Variants in CAMTA2 observed in about 807,000 individuals in gnomAD.
CAMTA2 encodes the protein calmodulin binding transcription activator 2.
In CAMTA2, 56 loss-of-function variants were observed where a neutral mutation model predicts 135.7. That is an observed-to-expected ratio of 0.41 (90% confidence interval 0.33 to 0.52). The LOEUF (loss-of-function observed/expected upper bound fraction) is 0.52, where lower values mean the gene tolerates loss of function less well. CAMTA2 is among the 20% of genes least tolerant of loss of function. CAMTA2 has a pLI of 0.16. For missense variants in CAMTA2, 1,358 were observed against 1,553.4 expected, an observed-to-expected ratio of 0.87 and a Z score of 2.11; for synonymous variants, 591 against 604.6, an observed-to-expected ratio of 0.98 and a Z score of 0.33.
chr17:4,979,806 A>G lies in CAMTA2; in HGVS notation c.1516T>C (p.Phe506Leu). Residue 506 changes from phenylalanine to leucine, a missense_variant, in exon 9 of 23, where the codon TTC becomes CTC. Around this residue, in one of 4 missense-constraint regions of CAMTA2, gnomAD observed 1,077 missense variants for 1,127.5 expected, o/e 0.96. Coordinates refer to ENST00000348066, the MANE Select transcript of CAMTA2 (RefSeq NM_015099.4). ...SELEPFSLSS[F>L]PDLMGELISD... ...ATGAGTTCTCCCATAAGGTCTGGGAATGATGAAAGACTGAAGGGCTCCAGT... is the reference window on the plus strand; with the variant it reads ...ATGAGTTCTCCCATAAGGTCTGGGAGTGATGAAAGACTGAAGGGCTCCAGT... The G allele has an allele frequency of 6.2e-7, 1 of 1,613,688 alleles. No homozygotes were observed. The highest frequency in any genetic ancestry group is 8.5e-7 in the Non-Finnish European group (1 of 1,179,860).
intron 10 of CAMTA2, among the ~76,000 whole-genome samples, chr17:4,978,053 T>C (rs1421167246): frequency 6.6e-5 from 10 of 152,224 alleles, no homozygotes; most frequent in African/African-American, 2.2e-4. Flanking sequence ...ATGGCTACCA[T>C]ACTGGACAGC....
intron 3 of CAMTA2, among the ~76,000 whole-genome samples, chr17:4,984,292 C>T (rs1180150022): frequency 3.3e-5 from 5 of 152,216 alleles, no homozygotes; most frequent in African/African-American, 1.2e-4. Context: ...TTCTTCCCAA[C>T]AAGGGATCAA....
At chr17:4,972,585 C>T in intron 15 of CAMTA2, 49 bp from the exon 16 acceptor site, 1 of 1,567,132 alleles carries the variant, frequency 6.4e-7, no homozygotes, top group Non-Finnish European at 8.7e-7. Context: ...ACGGCCATCC[C>T]TCGCTCAAGT....
At position 4,968,636 on chromosome 17, in the gene CAMTA2, G is replaced by C; in HGVS notation, c.*120C>G. On this transcript the variant is annotated 3_prime_UTR_variant, in exon 23 of 23. Transcript: ENST00000348066. ...GGGGAGGAGGGAGGAGGCCTACAGA[G>C]GGCTCCAACAAAGGTGAACAGGAAA... The C allele has an allele frequency of 9.2e-7, 1 of 1,092,492 alleles. No homozygotes were observed. The highest frequency in any genetic ancestry group is 1.4e-6 in the Non-Finnish European group (1 of 732,972). The allele number at this position is 1,092,492 out of a possible 1,614,324, so 67.7% of individuals were successfully genotyped here. A position where few individuals can be genotyped will look rare whatever the true frequency, so the allele number is the denominator to read the frequency against.
In CAMTA2 at chr17:4,985,990, G is replaced by C. The variant is rs1314934635; in HGVS notation, c.32-7C>G. 1 of 1,594,412 alleles carries C rather than the reference G, an allele frequency of 6.3e-7. No homozygotes were observed. Among genetic ancestry groups the C allele is most frequent in the Non-Finnish European group, 8.6e-7 (1 of 1,162,004 alleles). ...TTCAGGTGGTGGCTGTTTTCTAAAG[G>C]GAATTAGAAGGGAGGGTTTAGTGTG... On this transcript the variant is annotated splice_region_variant and splice_polypyrimidine_tract_variant and intron_variant, in intron 2 of 22. Coordinates refer to ENST00000348066, the MANE Select transcript of CAMTA2 (RefSeq NM_015099.4).
rs202043119 is a variant in CAMTA2 at position 4,980,611 on chromosome 17, G to C, written c.711C>G (p.Ser237Arg). ...TCGTGCTGCTGCATTTGTGGGTAAG[G>C]CTCCCAGAACCTGGAGTGGAGAGGA... ...CLCSGGLGSG[S>R]LTHKCSSTKH... is the part of the protein sequence containing the mutation. The change falls in exon 9 of 23, where the codon AGC (serine) becomes AGG (arginine). Residue 237 changes from serine (S) to arginine (R), a missense_variant. This residue lies in a region of CAMTA2 where 1,077 missense variants were observed against 1,127.5 expected (regional missense o/e 0.96). Transcript: ENST00000348066. This position sits in a 1 kb window ranked among gnomAD's most constrained non-coding sequence, Gnocchi z 5.3. The C allele has an allele frequency of 5.6e-6, 9 of 1,613,830 alleles. No individual in the cohort carries two copies. The highest frequency in any genetic ancestry group is 4.5e-5 in the East Asian group (2 of 44,882).
Position 4,982,912 on chromosome 17 carries a change from C to T in CAMTA2, c.204-20G>A, listed in dbSNP as rs757280376. 9 of 1,614,124 alleles carry T rather than the reference C, an allele frequency of 5.6e-6. No individual in the cohort carries two copies. The Admixed American group carries it at 1.3e-4, about 24-fold the overall frequency. On this transcript the variant is annotated intron_variant, in intron 4 of 22. Transcript: ENST00000348066. Reference sequence around the variant, plus strand: ...TGAGGCCTGGGAAGGGAAGGGTTGCCCTGGAGTTCTGTGAACAGAACCCAG... The same window carrying T: ...TGAGGCCTGGGAAGGGAAGGGTTGCTCTGGAGTTCTGTGAACAGAACCCAG...
intron 3 of CAMTA2, chr17:4,983,337 C>T: frequency 3.2e-6 from 1 of 314,142 alleles, no homozygotes; most frequent in Non-Finnish European, 6.1e-6. Context: ...GGCTGGAGTG[C>T]AATGGCGCGA....
In CAMTA2 at chr17:4,969,450, G is replaced by A. The variant is rs1424804930; in HGVS notation, c.3282+50C>T. 5 of 1,611,906 alleles carry A rather than the reference G, an allele frequency of 3.1e-6. No homozygotes were observed. The African/African-American group carries it at 5.3e-5, about 17-fold the overall frequency. Reference sequence around the variant, plus strand: ...GACTCTCTGTAACCCACACACTCAAGGAAAGACTGAATCATCACAGACCTC... The same window carrying A: ...GACTCTCTGTAACCCACACACTCAAAGAAAGACTGAATCATCACAGACCTC... On this transcript the variant is annotated intron_variant, in intron 20 of 22. Coordinates refer to ENST00000348066, the MANE Select transcript of CAMTA2 (RefSeq NM_015099.4). This position sits in a 1 kb window ranked among gnomAD's most constrained non-coding sequence, Gnocchi z 5.6.
chr17:4,980,744 G>T lies in CAMTA2; in HGVS notation c.701-123C>A. On this transcript the variant is annotated intron_variant, in intron 8 of 22. Coordinates refer to ENST00000348066, the MANE Select transcript of CAMTA2 (RefSeq NM_015099.4). The surrounding 1 kb of genome is among the most constrained non-coding windows in gnomAD (Gnocchi z 5.3). ...ATAAACCAGAGGTGTAATACTGATT[G>T]TAGCCACTGGGAGGCATCAGAAATG... is the stretch of plus-strand genomic sequence containing the variant. 10 of 726,234 alleles carry T rather than the reference G, an allele frequency of 1.4e-5. No individual in the cohort carries two copies. Among genetic ancestry groups the T allele is most frequent in the Non-Finnish European group, 7.2e-6 (3 of 418,638 alleles). The allele number at this position is 726,234 out of a possible 1,614,324, so 45.0% of individuals were successfully genotyped here.
intron 16 of CAMTA2, 43 bp from the exon 17 acceptor site, chr17:4,970,579 C>G: frequency 2.0e-6 from 3 of 1,535,592 alleles, no homozygotes; most frequent in Non-Finnish European, 2.7e-6. Flanking sequence ...GGGGCCCCAG[C>G]TGCCAGCTGT....
chr17:4,973,044 C>T (rs562644529), intron 14 of CAMTA2, 53 bp from the exon 15 acceptor site: 1 of 1,542,116 alleles, frequency 6.5e-7, no homozygotes, highest in Non-Finnish European at 8.9e-7. Flanking sequence ...AGGCCAGGGG[C>T]TCTTCCTCCA....
intron 3 of CAMTA2, 150 bp from the exon 4 acceptor site, chr17:4,983,193 G>A: frequency 1.5e-6 from 1 of 666,724 alleles, no homozygotes; most frequent in East Asian, 2.7e-5. Flanking sequence ...AAGACCCACT[G>A]CCCTCCTAAG....
intron 11 of CAMTA2, among the ~76,000 whole-genome samples, chr17:4,976,657 C>T (rs1246009401): frequency 1.3e-5 from 2 of 152,088 alleles, no homozygotes; most frequent in East Asian, 1.9e-4. Context: ...CCTGAGATCG[C>T]GCCACTGCAG....
In CAMTA2 at chr17:4,977,205, G is replaced by C; in HGVS notation, c.1766-13C>G. ...CCTACCTCATGGGCTGGAGAGGGTA[G>C]GATCAGCGAGAAGGGCTCTCTTTCC... On this transcript the variant is annotated splice_polypyrimidine_tract_variant and intron_variant, in intron 10 of 22. Coordinates refer to ENST00000348066, the MANE Select transcript of CAMTA2 (RefSeq NM_015099.4). 1 of 1,611,910 alleles carries C rather than the reference G, an allele frequency of 6.2e-7. No homozygotes were observed. Among genetic ancestry groups the C allele is most frequent in the Non-Finnish European group, 8.5e-7 (1 of 1,178,820 alleles).
chr17:4,972,304 G>A lies in CAMTA2; in HGVS notation c.2736C>T (p.Ala912=). The change falls in exon 16 of 23, where the codon GCC becomes GCT. Residue 912 remains alanine (A), a synonymous_variant. Coordinates refer to ENST00000348066, the MANE Select transcript of CAMTA2 (RefSeq NM_015099.4). ...CCCCATCATCTGAAGCTGGTGGGAG[G>A]GCAGGAAGGGAGGAGAGGGGCCCCT... is the stretch of plus-strand genomic sequence containing the variant. ...NSKGPLSSLP[A]LPPASDDGAA... The A allele has an allele frequency of 6.2e-7, 1 of 1,613,950 alleles. No homozygotes were observed. The highest frequency in any genetic ancestry group is 8.5e-7 in the Non-Finnish European group (1 of 1,179,928).
chr17:4,969,575 C>T lies in CAMTA2; in HGVS notation c.3261+55G>A, dbSNP rs993845283. On this transcript the variant is annotated intron_variant, in intron 19 of 22. Coordinates refer to ENST00000348066, the MANE Select transcript of CAMTA2 (RefSeq NM_015099.4). This position sits in a 1 kb window ranked among gnomAD's most constrained non-coding sequence, Gnocchi z 5.6. ...CTGGCAACATTCTGGAATGGTTAGG[C>T]GTGGGTGTGGGTTGGTGGGTTGCTG... 9.9e-6 allele frequency: 16 copies of T among 1,613,534 alleles called. No homozygotes were observed. The highest frequency in any genetic ancestry group is 4.0e-5 in the African/African-American group (3 of 74,868).
In CAMTA2 at chr17:4,982,045, A is replaced by G. The variant is rs771340269; in HGVS notation, c.411+44T>C. ...CCTTCTTTCAGACCCGTGTCCCTCA[A>G]AGAGTCAGGAAGAGGGTGGCTCCCT... On this transcript the variant is annotated intron_variant, in intron 6 of 22. Transcript: ENST00000348066. 33 of 1,467,660 alleles carry G rather than the reference A, an allele frequency of 2.2e-5. 1 individual carries two copies. The South Asian group carries it at 3.7e-4, about 17-fold the overall frequency. 90.9% of individuals were successfully genotyped at this position (1,467,660 alleles called of 1,614,324 possible).
intron 3 of CAMTA2, among the ~76,000 whole-genome samples, chr17:4,984,148 C>T (rs932325781): frequency 1.3e-5 from 2 of 151,928 alleles, no homozygotes; most frequent in Admixed American, 6.6e-5. Context: ...GACGGGGTTT[C>T]ACTGTGTTAG....
Sources: allele counts gnomAD v4.1 joint callset (sites outside exome capture counted in the v4.1 genomes callset), GRCh38; gene constraint gnomAD v4.1.1; regional missense constraint gnomAD v4.1.1; non-coding constraint Gnocchi (gnomAD v3.1); transcripts MANE v1.5; gene names NCBI Gene and HGNC (gene_info 2026-07-23, HGNC 2026-07-21).